The following ACTA2 variants were observed in gnomAD, a reference collection of about 807,000 sequenced individuals.
The protein encoded by ACTA2 is actin, aortic smooth muscle.
Under a neutral mutation model 39.5 loss-of-function variants are expected in ACTA2, and 12 were observed. The observed-to-expected ratio is 0.30, with a 90% CI of 0.19 to 0.49. The LOEUF (loss-of-function observed/expected upper bound fraction) is 0.49. ACTA2 is among the 20% of genes least tolerant of loss of function. The probability of loss-of-function intolerance (pLI) is 0.99; values close to 1 mark genes in which losing one functional copy is unlikely to be tolerated. For synonymous variants in ACTA2, 158 were observed against 180.6 expected (o/e 0.88, Z 1.00); for missense variants, 236 against 498.8 (o/e 0.47, Z 5.02).
At chr10:88,985,503 C>CA (rs1483500973) in intron 1 of ACTA2, among the ~76,000 whole-genome samples, 1 of 152,216 alleles carries the variant, frequency 6.6e-6, no homozygotes, top group Non-Finnish European at 1.5e-5. Flanking sequence ...CTCCCCTGCC[C>CA]ATTCTCCTCC....
intron 1 of ACTA2, chr10:88,974,169 G>C (rs1420548638): frequency 6.6e-6 from 1 of 151,318 alleles, no homozygotes; most frequent in African/African-American, 2.4e-5. Context: ...TTTAAAACTA[G>C]AACTAAACCA....
Position 88,990,624 on chromosome 10 carries a change from C to A in ACTA2, c.-24+315G>T, listed in dbSNP as rs1368648192. ...GCTTCCTTCCCATCCTCCTGACCAC[C>A]GGGGCTTTTCGTGAGCTCGTCTCTG... On this transcript the variant is annotated intron_variant, in intron 1 of 4. Coordinates refer to the ACTA2 transcript ENST00000415557. The surrounding 1 kb of genome is among the most constrained non-coding windows in gnomAD (Gnocchi z 4.9). The A allele has an allele frequency of 1.5e-6, 1 of 689,254 alleles. No individual in the cohort carries two copies. Among genetic ancestry groups the A allele is most frequent in the Non-Finnish European group, 2.6e-6 (1 of 378,058 alleles). 42.7% of individuals were successfully genotyped at this position (689,254 alleles called of 1,614,324 possible). A position where few individuals can be genotyped will look rare whatever the true frequency, so the allele number is the denominator to read the frequency against.
intron 1 of ACTA2, among the ~76,000 whole-genome samples, chr10:88,970,590 TAGAC>T (rs1846417293): frequency 6.6e-6 from 1 of 152,142 alleles, no homozygotes; most frequent in South Asian, 2.1e-4. Context: ...GTCCAGAAAT[TAGAC>T]AGTTGGCACA....
upstream of ACTA2, among the ~76,000 whole-genome samples, chr10:88,953,606 A>C (rs550745765): frequency 6.6e-6 from 1 of 152,282 alleles, no homozygotes; most frequent in African/African-American, 2.4e-5. Context: ...CCTTGACAGG[A>C]AGTAGAGAGA....
intron 1 of ACTA2, among the ~76,000 whole-genome samples, chr10:88,972,306 T>A (rs1386405852): frequency 6.6e-6 from 1 of 152,192 alleles, no homozygotes; most frequent in Non-Finnish European, 1.5e-5. Flanking sequence ...TATTGTCTTG[T>A]CTTCAGGCAG....
chr10:88,983,574 G>A (rs1004603010), intron 1 of ACTA2, among the ~76,000 whole-genome samples: 4 of 112,264 alleles, frequency 3.6e-5, no homozygotes, highest in Non-Finnish European at 6.6e-5. Flanking sequence ...TACTTTACAG[G>A]GAGTTGTAAG....
At chr10:88,962,524 T>C (rs1362028852) in intron 1 of ACTA2, among the ~76,000 whole-genome samples, 1 of 152,176 alleles carries the variant, frequency 6.6e-6, no homozygotes, top group East Asian at 1.9e-4. Flanking sequence ...TTAGATGTGG[T>C]TCTGTAAGTT....
intron 1 of ACTA2, among the ~76,000 whole-genome samples, chr10:88,959,203 G>A (rs1172503180): frequency 6.6e-6 from 1 of 152,154 alleles, no homozygotes; most frequent in African/African-American, 2.4e-5. Flanking sequence ...ATAGCCACAT[G>A]TGGCTACTGA....
At chr10:88,983,723 A>T (rs1846784794) in intron 1 of ACTA2, among the ~76,000 whole-genome samples, 1 of 151,150 alleles carries the variant, frequency 6.6e-6, no homozygotes, top group Non-Finnish European at 1.5e-5. Flanking sequence ...TTTATTTTTA[A>T]ATGTCTGTCC....
chr10:88,959,283 TA>T (rs904527183), intron 1 of ACTA2, among the ~76,000 whole-genome samples: 2 of 152,158 alleles, frequency 1.3e-5, no homozygotes, highest in African/African-American at 4.8e-5. Flanking sequence ...CTAAGGGGCT[TA>T]AAAAATCCCA....
intron 1 of ACTA2, among the ~76,000 whole-genome samples, chr10:88,978,761 C>G (rs1032539332): frequency 6.6e-6 from 1 of 152,166 alleles, no homozygotes; most frequent in South Asian, 2.1e-4. Context: ...AATGAATCCT[C>G]TCTTCTACAA....
intron 4 of ACTA2, chr10:88,943,584 T>C: frequency 1.6e-6 from 1 of 622,798 alleles, no homozygotes; most frequent in Non-Finnish European, 2.9e-6. Flanking sequence ...TTAAATTTCC[T>C]ATTGCTTTTG....
chr10:88,953,678 T>A (rs1038406991), upstream of ACTA2, among the ~76,000 whole-genome samples: 1 of 152,170 alleles, frequency 6.6e-6, no homozygotes, highest in Non-Finnish European at 1.5e-5. Flanking sequence ...CTAATCTCCA[T>A]AATCCCATGT....
intron 3 of ACTA2, among the ~76,000 whole-genome samples, chr10:88,945,215 G>C (rs1302166035): frequency 6.6e-6 from 1 of 152,176 alleles, no homozygotes; most frequent in Admixed American, 6.5e-5. Context: ...GATGTTGTCA[G>C]CTCCATGGAG....
At chr10:88,950,901 T>C (rs1271298397) in intron 1 of ACTA2, among the ~76,000 whole-genome samples, 1 of 152,222 alleles carries the variant, frequency 6.6e-6, no homozygotes, top group Non-Finnish European at 1.5e-5. Flanking sequence ...TAAATACTAA[T>C]TTCATCATCA....
At chr10:88,965,982 G>C (rs191671417) in intron 1 of ACTA2, among the ~76,000 whole-genome samples, 1 of 152,102 alleles carries the variant, frequency 6.6e-6, no homozygotes, top group Non-Finnish European at 1.5e-5. Context: ...CTGAATTTAC[G>C]GAACCATGGT....
intron 1 of ACTA2, chr10:88,975,037 T>C (rs1378973637): frequency 6.6e-6 from 1 of 152,240 alleles, no homozygotes; most frequent in Non-Finnish European, 1.5e-5. Flanking sequence ...AATTGTTTAC[T>C]GTAATTTCTA....
At chr10:88,951,083 C>T (rs940778331) in intron 1 of ACTA2, among the ~76,000 whole-genome samples, 1 of 152,170 alleles carries the variant, frequency 6.6e-6, no homozygotes, top group African/African-American at 2.4e-5. Flanking sequence ...CTTTCCCACC[C>T]TTCTTTTCCC....
exon 1 of ACTA2, chr10:88,991,176 C>T (rs1847176394): frequency 3.4e-6 from 2 of 582,988 alleles, no homozygotes; most frequent in East Asian, 5.7e-5. Context: ...CGGGGCAGCT[C>T]CGGCGCTCCT....
Sources: allele counts gnomAD v4.1 joint callset (sites outside exome capture counted in the v4.1 genomes callset), GRCh38; gene constraint gnomAD v4.1.1; non-coding constraint Gnocchi (gnomAD v3.1); transcripts MANE v1.5; gene names NCBI Gene and HGNC (gene_info 2026-07-23, HGNC 2026-07-21).